Variants in PPP3CC observed in about 807,000 individuals in gnomAD.
The protein encoded by PPP3CC is protein phosphatase 3 catalytic subunit gamma, also known as serine/threonine-protein phosphatase 2B catalytic subunit gamma isoform.
In PPP3CC, 35 loss-of-function variants were observed where a neutral mutation model predicts 60.3. That is an observed-to-expected ratio of 0.58 (90% CI 0.44 to 0.77). PPP3CC has a LOEUF of 0.77. PPP3CC is among the 30% of genes least tolerant of loss of function. The pLI is 0.00. For missense variants in PPP3CC, 570 were observed against 628.9 expected, an observed-to-expected ratio of 0.91 and a Z score of 1.00; for synonymous variants, 206 against 224.3, an observed-to-expected ratio of 0.92 and a Z score of 0.73.
In PPP3CC at chr8:22,475,630, A is replaced by C. The variant is rs771061901; in HGVS notation, c.372+6A>C. Reference sequence around the variant, plus strand: ...GAGGCTATTTCAGTATAGAGGTAAAAATTAAACTGGATATGTTGGGACTAT... The same window carrying C: ...GAGGCTATTTCAGTATAGAGGTAAACATTAAACTGGATATGTTGGGACTAT... On this transcript the variant is annotated splice_donor_region_variant and intron_variant, in intron 3 of 13. Coordinates refer to ENST00000240139, the MANE Select transcript of PPP3CC (RefSeq NM_005605.5). 6.2e-6 allele frequency: 10 copies of C among 1,609,784 alleles called. No individual in the cohort carries two copies. The highest frequency in any genetic ancestry group is 7.6e-6 in the Non-Finnish European group (9 of 1,177,818).
intron 1 of PPP3CC, 89 bp downstream of exon 1, chr8:22,441,547 G>A: frequency 7.2e-7 from 1 of 1,392,926 alleles, no homozygotes; most frequent in Non-Finnish European, 9.5e-7. Flanking sequence ...GCTGGGGCCG[G>A]GCTGCGCCCA....
chr8:22,456,667 G>A (rs553616832), intron 1 of PPP3CC, among the ~76,000 whole-genome samples: 30 of 152,186 alleles, frequency 2.0e-4, no homozygotes, highest in African/African-American at 6.3e-4. Context: ...TTCACATATA[G>A]GTAGCATAAC....
At chr8:22,463,763 A>G (rs1837432128) in intron 1 of PPP3CC, among the ~76,000 whole-genome samples, 1 of 151,218 alleles carries the variant, frequency 6.6e-6, no homozygotes, top group African/African-American at 2.4e-5. Context: ...CTATTGTGGC[A>G]GTCTTTGTAC....
intron 1 of PPP3CC, among the ~76,000 whole-genome samples, chr8:22,472,673 C>G (rs563116684): frequency 6.6e-6 from 1 of 152,278 alleles, no homozygotes; most frequent in Admixed American, 6.5e-5. Flanking sequence ...GTTAATGCAG[C>G]ATGAACATTC....
In PPP3CC at chr8:22,539,129, G is replaced by T. The variant is rs117438688; in HGVS notation, c.1322-340G>T. 5.3e-4 allele frequency among the ~76,000 whole-genome samples: 80 copies of T among 152,244 alleles called. 2 individuals are homozygous for T. The East Asian group carries it at 0.015, about 29-fold the overall frequency. ...CACCTGAGATATTTTACAAACTAAG[G>T]ATTGTTGTGATGTCAAACTATTTGA... On this transcript the variant is annotated intron_variant, in intron 12 of 13. Coordinates refer to ENST00000240139, the MANE Select transcript of PPP3CC (RefSeq NM_005605.5).
chr8:22,477,206 A>G (rs79123430), intron 3 of PPP3CC, among the ~76,000 whole-genome samples: 5,995 of 151,662 alleles, frequency 0.04, 179 homozygotes, highest in Middle Eastern at 0.062. Flanking sequence ...GCTGCGCGCA[A>G]TGGCTCATGC....
At chr8:22,443,148 G>C (rs1029392397) in intron 1 of PPP3CC, among the ~76,000 whole-genome samples, 1 of 152,062 alleles carries the variant, frequency 6.6e-6, no homozygotes, top group Non-Finnish European at 1.5e-5. Context: ...AAGATCAAAA[G>C]AAGATTAAAA....
chr8:22,445,289 C>G (rs759898479), intron 1 of PPP3CC, among the ~76,000 whole-genome samples: 15 of 152,164 alleles, frequency 9.9e-5, no homozygotes, highest in Non-Finnish European at 1.5e-4. Flanking sequence ...ATTTCAATCT[C>G]TGGTACCTAT....
At chr8:22,462,914 A>T (rs531850276) in intron 1 of PPP3CC, among the ~76,000 whole-genome samples, 1 of 151,352 alleles carries the variant, frequency 6.6e-6, no homozygotes, top group African/African-American at 2.5e-5. Context: ...TCAGACAGTT[A>T]TTATTAAAGT....
intron 1 of PPP3CC, among the ~76,000 whole-genome samples, chr8:22,457,046 T>TCCCTCCCTCCC: frequency 1.2e-5 from 1 of 80,534 alleles, no homozygotes; most frequent in Non-Finnish European, 2.3e-5. Flanking sequence ...CCTCCCTCCC[T>TCCCTCCCTCCC]TCCTTCCCCT....
At chr8:22,452,870 C>G (rs1182784127) in intron 1 of PPP3CC, among the ~76,000 whole-genome samples, 1 of 152,222 alleles carries the variant, frequency 6.6e-6, no homozygotes, top group Non-Finnish European at 1.5e-5. Flanking sequence ...TAAACAATCT[C>G]ATTGCTTTGC....
At chr8:22,517,181 A>G (rs1839268777) in intron 6 of PPP3CC, among the ~76,000 whole-genome samples, 2 of 152,224 alleles carry the variant, frequency 1.3e-5, no homozygotes, top group African/African-American at 4.8e-5. Context: ...GGCTGAACAA[A>G]GTGATACTCT....
At position 22,453,375 on chromosome 8, in the gene PPP3CC, G is replaced by A. The variant is rs149256868; in HGVS notation, c.49+11917G>A. On this transcript the variant is annotated intron_variant, in intron 1 of 13. Transcript: ENST00000240139. ...TAGTTGCTTAATAATTCGGAGTTCTGACAAATGCATCCTTAGGCGATTTCA... is the reference window on the plus strand; with the variant it reads ...TAGTTGCTTAATAATTCGGAGTTCTAACAAATGCATCCTTAGGCGATTTCA... 7.5e-3 allele frequency among the ~76,000 whole-genome samples: 1,136 copies of A among 152,284 alleles called. 42 individuals carry two copies. The highest frequency in any genetic ancestry group is 0.068 in the Admixed American group (1,046 of 15,288).
chr8:22,525,873 T>TA lies in PPP3CC; in HGVS notation c.944-1519_944-1518insA, dbSNP rs200154068. The stretch of plus-strand genomic sequence containing the variant: ...CCACACCTGGCCTCTTTCATATTAT[T>TA]TTTTTTTTTTCAGAGACAGAGTCTC... On this transcript the variant is annotated intron_variant, in intron 8 of 13. Coordinates refer to ENST00000240139, the MANE Select transcript of PPP3CC (RefSeq NM_005605.5). Among the ~76,000 whole-genome samples the TA allele has an allele frequency of 4.9e-3, 722 of 146,100 alleles. 7 individuals are homozygous for TA. Among genetic ancestry groups the TA allele is most frequent in the African/African-American group, 0.017 (681 of 39,408 alleles).
intron 1 of PPP3CC, 90 bp downstream of exon 1, chr8:22,441,548 G>A (rs2132414944): frequency 7.2e-7 from 1 of 1,391,196 alleles, no homozygotes; most frequent in Non-Finnish European, 9.5e-7. Context: ...CTGGGGCCGG[G>A]CTGCGCCCAC....
At chr8:22,513,253 T>G in intron 5 of PPP3CC, 40 bp from the exon 6 acceptor site, 1 of 1,592,060 alleles carries the variant, frequency 6.3e-7, no homozygotes, top group Non-Finnish European at 8.5e-7. Flanking sequence ...AGCCTTTTGC[T>G]CTCCTGATTT....
At chr8:22,474,915 A>G (rs1837840327) in intron 1 of PPP3CC, 39 bp from the exon 2 acceptor site, 1 of 1,275,384 alleles carries the variant, frequency 7.8e-7, no homozygotes, top group South Asian at 1.8e-5. Flanking sequence ...TTCTCTATAC[A>G]TTTAAATATT....
intron 5 of PPP3CC, among the ~76,000 whole-genome samples, chr8:22,511,861 T>C (rs1231670817): frequency 6.6e-6 from 1 of 152,212 alleles, no homozygotes; most frequent in African/African-American, 2.4e-5. Flanking sequence ...CTGTGTAACC[T>C]TAACCAAGTT....
chr8:22,452,048 T>G (rs1009010734), intron 1 of PPP3CC, among the ~76,000 whole-genome samples: 2 of 147,390 alleles, frequency 1.4e-5, no homozygotes, highest in Non-Finnish European at 1.5e-5. Context: ...GTTTTAGAGA[T>G]AAGGCCTCAC....
Sources: gnomAD v4.1 joint callset for allele counts (sites outside exome capture counted in the v4.1 genomes callset) on GRCh38, gnomAD v4.1.1 for gene constraint, MANE v1.5 for transcripts, NCBI Gene and HGNC (gene_info 2026-07-23, HGNC 2026-07-21) for gene names.